The following SRD5A2 variants were observed in gnomAD, a reference collection of about 807,000 sequenced individuals.
SRD5A2 encodes steroid 5 alpha-reductase 2, also known as 3-oxo-5-alpha-steroid 4-dehydrogenase 2.
Under a neutral mutation model 27.4 loss-of-function variants are expected in SRD5A2, and 30 were observed. That is an observed-to-expected ratio of 1.10 (90% CI 0.82 to 1.49). The LOEUF (loss-of-function observed/expected upper bound fraction) is 1.49, where lower values mean the gene tolerates loss of function less well. SRD5A2 is among the 40% of genes most tolerant of loss of function. The pLI is 0.00. For synonymous variants in SRD5A2, 141 were observed against 133.6 expected, an observed-to-expected ratio of 1.06 and a Z score of -0.38; for missense variants, 348 against 323.4, an observed-to-expected ratio of 1.08 and a Z score of -0.58.
the SRD5A2 span, among the ~76,000 whole-genome samples, chr2:31,640,158 G>A: frequency 4.0e-5 from 6 of 149,394 alleles, no homozygotes; most frequent in South Asian, 1.3e-3. Context: ...CTTCAGTTCA[G>A]CATATGCATT....
the SRD5A2 span, among the ~76,000 whole-genome samples, chr2:31,650,115 G>A: frequency 6.6e-6 from 1 of 151,998 alleles, no homozygotes; most frequent in Non-Finnish European, 1.5e-5. Flanking sequence ...CATTGAGAGG[G>A]TCCCCTAAAT....
At chr2:31,598,090 T>C in the SRD5A2 span, among the ~76,000 whole-genome samples, 2 of 152,034 alleles carry the variant, frequency 1.3e-5, no homozygotes, top group African/African-American at 2.4e-5. Context: ...GAAAATGTGG[T>C]ATATATACCA....
At chr2:31,584,928 T>G (rs182740298), upstream of SRD5A2, among the ~76,000 whole-genome samples, 163 of 152,356 alleles carry the variant, frequency 1.1e-3, no homozygotes, top group Middle Eastern at 0.02. Context: ...CTTGAAGCAC[T>G]GAAGCCACCC....
In SRD5A2 at chr2:31,539,884, G is replaced by A. The variant is rs553737120; in HGVS notation, c.282-6118C>T. Among the ~76,000 whole-genome samples, 4 of 152,232 alleles carry A rather than the reference G, an allele frequency of 2.6e-5. No individual in the cohort carries two copies. In the South Asian group the frequency reaches 8.3e-4, roughly 32 times the overall value. On this transcript the variant is annotated intron_variant, in intron 1 of 4. Transcript: ENST00000622030. ...AAGTAACAAGGAGCCTCCACGTTCAGGTTTCAAAATGTCCAGGTTTCAATG... is the reference window on the plus strand; with the variant it reads ...AAGTAACAAGGAGCCTCCACGTTCAAGTTTCAAAATGTCCAGGTTTCAATG...
the SRD5A2 span, among the ~76,000 whole-genome samples, chr2:31,620,063 T>C: frequency 6.6e-6 from 1 of 152,190 alleles, no homozygotes; most frequent in East Asian, 1.9e-4. Context: ...CAGGTTTTTA[T>C]AGTTTTGGGT....
the SRD5A2 span, among the ~76,000 whole-genome samples, chr2:31,646,945 G>C: frequency 2.0e-5 from 3 of 152,196 alleles, no homozygotes; most frequent in East Asian, 5.8e-4. Context: ...TCAGGAGTTC[G>C]AGACTAGCCT....
the SRD5A2 span, among the ~76,000 whole-genome samples, chr2:31,606,391 A>G: frequency 6.6e-3 from 998 of 152,116 alleles, 6 homozygotes; most frequent in South Asian, 0.018. Context: ...CTATATCAAA[A>G]CATTGTACCC....
At chr2:31,548,294 G>A (rs1666305393) in intron 1 of SRD5A2, among the ~76,000 whole-genome samples, 1 of 152,052 alleles carries the variant, frequency 6.6e-6, no homozygotes, top group African/African-American at 2.4e-5. Context: ...ACTATTAATA[G>A]AGGAAAAGGG....
the SRD5A2 span, among the ~76,000 whole-genome samples, chr2:31,587,589 C>T: frequency 6.6e-6 from 1 of 152,166 alleles, no homozygotes; most frequent in Non-Finnish European, 1.5e-5. Context: ...GAGTTCATGT[C>T]CTTTGCAGGG....
chr2:31,571,096 G>A (rs1666839688), intron 1 of SRD5A2, among the ~76,000 whole-genome samples: 1 of 152,084 alleles, frequency 6.6e-6, no homozygotes, highest in African/African-American at 2.4e-5. Context: ...AAAGCTGGAG[G>A]CACCACATTA....
chr2:31,638,383 T>A, the SRD5A2 span, among the ~76,000 whole-genome samples: 2 of 152,124 alleles, frequency 1.3e-5, no homozygotes, highest in African/African-American at 4.8e-5. Flanking sequence ...CATGTGCTGA[T>A]TAAAAGAATG....
chr2:31,530,415 C>T (rs17011453), intron 3 of SRD5A2, among the ~76,000 whole-genome samples: 23,814 of 152,068 alleles, frequency 0.16, 2,069 homozygotes, highest in African/African-American at 0.22. Context: ...CCTGTGATTC[C>T]CTACGCCCTG....
At chr2:31,601,590 A>G in the SRD5A2 span, among the ~76,000 whole-genome samples, 6 of 152,060 alleles carry the variant, frequency 3.9e-5, no homozygotes. Flanking sequence ...TTCTGATACT[A>G]AAACCTGGCA....
At chr2:31,567,459 T>TATATAC (rs1666756636) in intron 1 of SRD5A2, among the ~76,000 whole-genome samples, 3 of 149,394 alleles carry the variant, frequency 2.0e-5, no homozygotes, top group Non-Finnish European at 4.4e-5. Flanking sequence ...TGTGTGTGTA[T>TATATAC]ATATATATAT....
the SRD5A2 span, among the ~76,000 whole-genome samples, chr2:31,600,322 A>T: frequency 6.6e-6 from 1 of 152,002 alleles, no homozygotes; most frequent in Non-Finnish European, 1.5e-5. Flanking sequence ...CGATAGAATG[A>T]TTTATATTCC....
At chr2:31,628,465 T>C in the SRD5A2 span, among the ~76,000 whole-genome samples, 12 of 152,194 alleles carry the variant, frequency 7.9e-5, no homozygotes, top group Admixed American at 7.9e-4. Context: ...ATTTGGCCTG[T>C]TTGCATTCAA....
the SRD5A2 span, among the ~76,000 whole-genome samples, chr2:31,633,591 T>C: frequency 6.6e-6 from 1 of 152,152 alleles, no homozygotes; most frequent in South Asian, 2.1e-4. Context: ...CGGCCTGCTA[T>C]TCCATACTCC....
At position 31,524,845 on chromosome 2, in the gene SRD5A2, G is replaced by A. The variant is rs1233700988; in HGVS notation, c.*1351C>T. ...ACAAGCGTTCGGCCCCTTCCTTAGA[G>A]AGTCCATATCTCAGCACTCATGCTG... On this transcript the variant is annotated 3_prime_UTR_variant, in exon 5 of 5. Transcript: ENST00000622030. The A allele has an allele frequency of 8.8e-6, 2 of 226,842 alleles. No homozygotes were observed. Among genetic ancestry groups the A allele is most frequent in the Non-Finnish European group, 1.8e-5 (2 of 114,102 alleles). 14.1% of individuals were successfully genotyped at this position (226,842 alleles called of 1,614,324 possible).
the SRD5A2 span, among the ~76,000 whole-genome samples, chr2:31,614,593 C>A: frequency 1.3e-5 from 2 of 152,214 alleles, no homozygotes; most frequent in Admixed American, 1.3e-4. Flanking sequence ...CTAGGCAGTG[C>A]CCCAGTCAGG....
Sources: allele counts gnomAD v4.1 joint callset (sites outside exome capture counted in the v4.1 genomes callset), GRCh38; gene constraint gnomAD v4.1.1; transcripts MANE v1.5; gene names NCBI Gene and HGNC (gene_info 2026-07-23, HGNC 2026-07-21).